CNOT4: variants seen among roughly 807,000 people sequenced by gnomAD.
CNOT4 encodes the protein CCR4-associated factor 4.
A neutral mutation model predicts 73.8 loss-of-function variants in CNOT4; 8 were observed. That is an observed-to-expected ratio of 0.11 (90% CI 0.06 to 0.20). The LOEUF (loss-of-function observed/expected upper bound fraction) is 0.20, where lower values mean the gene tolerates loss of function less well. CNOT4 is among the 10% of genes least tolerant of loss of function. The probability of loss-of-function intolerance (pLI) is 1.00; values close to 1 mark genes in which losing one functional copy is unlikely to be tolerated. For synonymous variants in CNOT4, 293 were observed against 321.1 expected (o/e 0.91, Z 0.94); for missense variants, 564 against 883.4 (o/e 0.64, Z 4.58).
chr7:135,447,460 C>G (rs1799903919), intron 1 of CNOT4, among the ~76,000 whole-genome samples: 1 of 152,154 alleles, frequency 6.6e-6, no homozygotes, highest in African/African-American at 2.4e-5. Flanking sequence ...CTAAAAGCCT[C>G]TCTCATTAAA....
At chr7:135,423,634 A>T (rs1361984553) in intron 2 of CNOT4, among the ~76,000 whole-genome samples, 1 of 152,076 alleles carries the variant, frequency 6.6e-6, no homozygotes, top group African/African-American at 2.4e-5. Flanking sequence ...TTCAATTTTA[A>T]CTTACTGCTT....
At chr7:135,444,682 T>C in intron 1 of CNOT4, 1 of 1,185,236 alleles carries the variant, frequency 8.4e-7, no homozygotes, top group Non-Finnish European at 1.3e-6. Flanking sequence ...GTTTTGCTCC[T>C]GGGTCTGCTT....
intron 10 of CNOT4, among the ~76,000 whole-genome samples, chr7:135,373,689 G>A (rs796243421): frequency 1.3e-5 from 2 of 152,064 alleles, no homozygotes; most frequent in South Asian, 4.1e-4. Context: ...CAATTCTCCC[G>A]CCTCAGCCTC....
At chr7:135,415,934 T>C (rs1797850834) in intron 3 of CNOT4, among the ~76,000 whole-genome samples, 1 of 152,170 alleles carries the variant, frequency 6.6e-6, no homozygotes, top group African/African-American at 2.4e-5. Flanking sequence ...TATTACCTGG[T>C]TACTTCTTGG....
intron 1 of CNOT4, among the ~76,000 whole-genome samples, chr7:135,490,120 G>A (rs3812293): frequency 2.6e-5 from 4 of 152,188 alleles, no homozygotes; most frequent in African/African-American, 9.6e-5. Context: ...TAAAAATATC[G>A]TTCATTTTCT....
At position 135,440,288 on chromosome 7, in the gene CNOT4, T is replaced by C. The variant is rs138543614; in HGVS notation, c.-92-1865A>G. On this transcript the variant is annotated intron_variant, in intron 1 of 11. Transcript: ENST00000541284. ...ACAGAAGAATTACAAGTGATTAAAA[T>C]ACATGAAAAAATGATCAATCTTTAG... Among the ~76,000 whole-genome samples the C allele has an allele frequency of 2.2e-3, 312 of 143,788 alleles. 1 individual carries two copies. The highest frequency in any genetic ancestry group is 7.1e-3 in the African/African-American group (281 of 39,508). 94.3% of individuals were successfully genotyped at this position (143,788 alleles called of 152,430 possible).
At chr7:135,424,817 A>ACAAAC (rs201294561) in intron 2 of CNOT4, among the ~76,000 whole-genome samples, 8 of 151,944 alleles carry the variant, frequency 5.3e-5, no homozygotes, top group Non-Finnish European at 8.8e-5. Context: ...AAACAAACAA[A>ACAAAC]AAAAAACAAA....
chr7:135,366,619 C>T (rs559719868), intron 10 of CNOT4, among the ~76,000 whole-genome samples: 1 of 152,154 alleles, frequency 6.6e-6, no homozygotes, highest in African/African-American at 2.4e-5. Flanking sequence ...CCTCCTCCCC[C>T]CAAAAAATCA....
At chr7:135,493,232 C>G (rs541383256) in intron 1 of CNOT4, among the ~76,000 whole-genome samples, 2 of 152,190 alleles carry the variant, frequency 1.3e-5, no homozygotes, top group South Asian at 4.1e-4. Flanking sequence ...GGTCTCACTA[C>G]GTAGGCTAGG....
At chr7:135,502,141 G>A (rs1305344870) in intron 1 of CNOT4, among the ~76,000 whole-genome samples, 1 of 152,192 alleles carries the variant, frequency 6.6e-6, no homozygotes, top group Non-Finnish European at 1.5e-5. Flanking sequence ...AAAACCATGA[G>A]CCAAATACAT....
intron 1 of CNOT4, among the ~76,000 whole-genome samples, chr7:135,496,102 G>C (rs923308614): frequency 5.3e-5 from 8 of 151,568 alleles, no homozygotes; most frequent in African/African-American, 1.7e-4. Flanking sequence ...TTGTTTTTTT[G>C]TTTTTTGAGA....
chr7:135,457,597 G>C (rs1000753332), intron 1 of CNOT4, among the ~76,000 whole-genome samples: 1 of 151,994 alleles, frequency 6.6e-6, no homozygotes, highest in Non-Finnish European at 1.5e-5. Context: ...CCAAAAATTT[G>C]TAAGTTTCAA....
chr7:135,371,746 G>A (rs1182913477), intron 10 of CNOT4, among the ~76,000 whole-genome samples: 1 of 152,038 alleles, frequency 6.6e-6, no homozygotes, highest in Non-Finnish European at 1.5e-5. Context: ...CATGTGCAAA[G>A]TTATATAAAA....
intron 1 of CNOT4, among the ~76,000 whole-genome samples, chr7:135,454,436 T>C (rs1048704754): frequency 2.0e-5 from 3 of 151,832 alleles, no homozygotes; most frequent in African/African-American, 4.8e-5. Context: ...GGTGGATCGC[T>C]TGAGCTCAAG....
intron 7 of CNOT4, among the ~76,000 whole-genome samples, chr7:135,398,536 C>T (rs1796827173): frequency 6.6e-6 from 1 of 151,564 alleles, no homozygotes; most frequent in Non-Finnish European, 1.5e-5. Context: ...GGTGTTCGCC[C>T]AATAAGTATA....
At chr7:135,473,341 C>T (rs1371425206) in intron 1 of CNOT4, among the ~76,000 whole-genome samples, 1 of 152,014 alleles carries the variant, frequency 6.6e-6, no homozygotes, top group Non-Finnish European at 1.5e-5. Flanking sequence ...AGTGGAGCTA[C>T]CCTAATAATT....
intron 1 of CNOT4, among the ~76,000 whole-genome samples, chr7:135,452,440 C>T (rs538952102): frequency 5.9e-4 from 90 of 152,138 alleles, no homozygotes; most frequent in Middle Eastern, 6.8e-3. Context: ...CGTGGTGGCA[C>T]ACACTTGTAA....
intron 1 of CNOT4, among the ~76,000 whole-genome samples, chr7:135,457,595 T>C (rs3812290): frequency 0.08 from 12,143 of 152,158 alleles, 666 homozygotes; most frequent in East Asian, 0.16. Context: ...TTCCAAAAAT[T>C]TGTAAGTTTC....
chr7:135,509,350 G>T (rs1804585970), intron 1 of CNOT4, among the ~76,000 whole-genome samples: 1 of 152,056 alleles, frequency 6.6e-6, no homozygotes, highest in Admixed American at 6.6e-5. Context: ...CACCAGAGGG[G>T]GGCAAAGGCT....
Sources: allele counts gnomAD v4.1 joint callset (sites outside exome capture counted in the v4.1 genomes callset), GRCh38; gene constraint gnomAD v4.1.1; transcripts MANE v1.5; gene names NCBI Gene and HGNC (gene_info 2026-07-23, HGNC 2026-07-21).